The following SLC51A variants were observed in gnomAD, a reference collection of about 807,000 sequenced individuals.
SLC51A encodes the protein solute carrier family 51 member A, also known as organic solute transporter subunit alpha.
A neutral mutation model predicts 34.8 loss-of-function variants in SLC51A; 22 were observed. The ratio of observed to expected loss-of-function variants is 0.63; its 90% CI spans 0.45 to 0.90. The LOEUF is 0.90. Among genes scored for constraint, SLC51A ranks in the 40% least tolerant of loss-of-function variants. SLC51A has a pLI of 0.00. For missense variants in SLC51A, 371 were observed against 414.8 expected, an observed-to-expected ratio of 0.89 and a Z score of 0.92; for synonymous variants, 181 against 176.3, an observed-to-expected ratio of 1.03 and a Z score of -0.21.
rs201430479 is a variant in SLC51A, at chr3:196,227,012, G to C, written c.181G>C (p.Ala61Pro). The C allele has an allele frequency of 1.9e-6, 3 of 1,614,020 alleles. No homozygotes were observed. Among genetic ancestry groups the C allele is most frequent in the Admixed American group, 3.3e-5 (2 of 60,002 alleles). Residue 61 changes from alanine (A) to proline (P), a missense_variant, in exon 3 of 9, where the codon GCG becomes CCG. Physicochemically the swap from Ala to Pro is conservative, Grantham distance 27. Coordinates refer to ENST00000296327, the MANE Select transcript of SLC51A (RefSeq NM_152672.6). The stretch of plus-strand genomic sequence containing the variant: ...CCTCACTAGCATCCTGACCTTGCTG[G>C]CGCTGGGCTCCATTGCCATCTTCCT... Reference protein sequence around the residue: ...LALTSILTLLALGSIAIFLED... With the variant: ...LALTSILTLLPLGSIAIFLED...
In SLC51A at chr3:196,228,335, C is replaced by T. The variant is rs946235421; in HGVS notation, c.521+62C>T. The T allele has an allele frequency of 1.9e-6, 3 of 1,543,300 alleles. No individual in the cohort carries two copies. Among genetic ancestry groups the T allele is most frequent in the East Asian group, 2.3e-5 (1 of 44,190 alleles). ...GGAGCCTCTCCTGGACCCCTGGTCCCCTTCAAGGCTCTGGGAATTAGGCGT... is the reference window on the plus strand; with the variant it reads ...GGAGCCTCTCCTGGACCCCTGGTCCTCTTCAAGGCTCTGGGAATTAGGCGT... On this transcript the variant is annotated intron_variant, in intron 5 of 8. Transcript: ENST00000296327. This position sits in a 1 kb window ranked among gnomAD's most constrained non-coding sequence, Gnocchi z 4.9.
intron 2 of SLC51A, among the ~76,000 whole-genome samples, chr3:196,222,633 C>CA (rs11328698): frequency 0.029 from 3,845 of 133,518 alleles, 140 homozygotes; most frequent in African/African-American, 0.075. Flanking sequence ...GGCTCCATCT[C>CA]AAAAAAAAAA....
At chr3:196,232,652 G>A (rs1560156212) in intron 8 of SLC51A, 128 bp downstream of exon 8, 2 of 705,862 alleles carry the variant, frequency 2.8e-6, no homozygotes. Flanking sequence ...GGGATCTTCG[G>A]GAAATCCCAA....
chr3:196,224,617 A>G (rs1055610836), intron 2 of SLC51A, among the ~76,000 whole-genome samples: 12 of 147,612 alleles, frequency 8.1e-5, no homozygotes, highest in Non-Finnish European at 1.6e-4. Context: ...TGGAGGCTGC[A>G]GTAAGCTAAG....
intron 2 of SLC51A, among the ~76,000 whole-genome samples, chr3:196,221,092 C>T (rs1723744348): frequency 6.6e-6 from 1 of 151,372 alleles, no homozygotes; most frequent in African/African-American, 2.4e-5. Context: ...GGAGTTTCTC[C>T]ATGTTGCCCA....
rs552712156 is a variant in SLC51A, at chr3:196,216,842, C to T, written c.38+92C>T. On this transcript the variant is annotated intron_variant, in intron 1 of 8. Coordinates refer to ENST00000296327, the MANE Select transcript of SLC51A (RefSeq NM_152672.6). The surrounding 1 kb of genome is among the most constrained non-coding windows in gnomAD (Gnocchi z 4.5). Reference sequence around the variant, plus strand: ...CTCTCTCCCTCCCAGAGCCCTTTGGCGGCCGCACTCAGAATGAGACAGGAC... The same window carrying T: ...CTCTCTCCCTCCCAGAGCCCTTTGGTGGCCGCACTCAGAATGAGACAGGAC... 6.9e-6 allele frequency: 9 copies of T among 1,300,024 alleles called. No individual in the cohort carries two copies. In the East Asian group the frequency reaches 1.5e-4, roughly 22 times the overall value. 80.5% of individuals were successfully genotyped at this position (1,300,024 alleles called of 1,614,324 possible). A position where few individuals can be genotyped will look rare whatever the true frequency, so the allele number is the denominator to read the frequency against.
intron 7 of SLC51A, 40 bp downstream of exon 7, chr3:196,230,101 A>G: frequency 6.5e-7 from 1 of 1,545,984 alleles, no homozygotes; most frequent in Non-Finnish European, 8.7e-7. Flanking sequence ...TTCATAACCG[A>G]GCTACAGATA....
chr3:196,216,787 G>C lies in SLC51A; in HGVS notation c.38+37G>C, dbSNP rs1240939427. The C allele has an allele frequency of 6.4e-7, 1 of 1,552,842 alleles. No individual in the cohort carries two copies. The highest frequency in any genetic ancestry group is 2.4e-5 in the East Asian group (1 of 41,508). ...CGGCGGGCCCTGGGCCAGTCGCTGG[G>C]CAGCGGTGGCCCCTATCCCGCGGCC... On this transcript the variant is annotated intron_variant, in intron 1 of 8. Coordinates refer to ENST00000296327, the MANE Select transcript of SLC51A (RefSeq NM_152672.6). This position sits in a 1 kb window ranked among gnomAD's most constrained non-coding sequence, Gnocchi z 4.5.
Position 196,228,244 on chromosome 3 carries a change from C to T in SLC51A, c.492C>T (p.Cys164=). Residue 164 remains cysteine, a synonymous_variant, in exon 5 of 9, where the codon TGC becomes TGT. Coordinates refer to ENST00000296327, the MANE Select transcript of SLC51A (RefSeq NM_152672.6). The surrounding 1 kb of genome is among the most constrained non-coding windows in gnomAD (Gnocchi z 4.9). ...ACACAGGCCCCTGCTGCTGCTGCTG[C>T]CCCTGCTGTCCACGGCTGCTGCTCA... ...MVHTGPCCCC[C]PCCPRLLLTR... is the part of the protein sequence containing the mutation. 1 of 1,613,180 alleles carries T rather than the reference C, an allele frequency of 6.2e-7. No homozygotes were observed. The highest frequency in any genetic ancestry group is 8.5e-7 in the Non-Finnish European group (1 of 1,179,910).
At chr3:196,221,719 G>GT (rs547977757) in intron 2 of SLC51A, among the ~76,000 whole-genome samples, 1,658 of 142,082 alleles carry the variant, frequency 0.012, 34 homozygotes, top group African/African-American at 0.036. Flanking sequence ...TTGGTTTTTT[G>GT]TTTTTTTTTT....
Position 196,228,570 on chromosome 3 carries a change from A to T in SLC51A, c.522-239A>T, listed in dbSNP as rs1462114874. The T allele has an allele frequency of 1.3e-5, 8 of 604,440 alleles. No homozygotes were observed. Among genetic ancestry groups the T allele is most frequent in the Middle Eastern group, 8.7e-4 (2 of 2,294 alleles). 37.4% of individuals were successfully genotyped at this position (604,440 alleles called of 1,614,324 possible). On this transcript the variant is annotated intron_variant, in intron 5 of 8. Transcript: ENST00000296327. This position sits in a 1 kb window ranked among gnomAD's most constrained non-coding sequence, Gnocchi z 4.9. The stretch of plus-strand genomic sequence containing the variant: ...CTGCCCACTTTGGTGAATGAGGTTG[A>T]GGTCACACTCCCAGACCTCGCTCCA...
At chr3:196,223,049 T>G (rs1723800515) in intron 2 of SLC51A, among the ~76,000 whole-genome samples, 1 of 151,764 alleles carries the variant, frequency 6.6e-6, no homozygotes, top group South Asian at 2.1e-4. Flanking sequence ...GGGTTGCCTT[T>G]GATGATCTCT....
chr3:196,229,048 G>A (rs1723967343), intron 6 of SLC51A, 128 bp downstream of exon 6: 2 of 764,804 alleles, frequency 2.6e-6, no homozygotes, highest in Non-Finnish European at 4.4e-6. Context: ...GAAAACAGAG[G>A]CTCAGGGACT....
chr3:196,225,025 CTTTTT>C (rs34324841), intron 2 of SLC51A, among the ~76,000 whole-genome samples: 1 of 140,578 alleles, frequency 7.1e-6, no homozygotes, highest in Admixed American at 7.1e-5. Context: ...AGGTATTTTC[CTTTTT>C]TTTTTTTTTT....
intron 2 of SLC51A, among the ~76,000 whole-genome samples, chr3:196,220,688 G>C (rs947557435): frequency 9.2e-5 from 14 of 152,124 alleles, no homozygotes; most frequent in Non-Finnish European, 2.1e-4. Flanking sequence ...GCAGTGGCAG[G>C]GAAAGAAGAG....
chr3:196,220,466 G>A (rs946468211), intron 2 of SLC51A, among the ~76,000 whole-genome samples: 27 of 152,052 alleles, frequency 1.8e-4, no homozygotes, highest in Non-Finnish European at 3.4e-4. Context: ...GTGTGGTGGC[G>A]CGTGCCTGTA....
Position 196,228,001 on chromosome 3 carries a change from G to A in SLC51A, c.363-114G>A, listed in dbSNP as rs73212135. 1.8e-3 allele frequency: 2,492 copies of A among 1,419,658 alleles called. 9 individuals carry two copies. The highest frequency in any genetic ancestry group is 2.1e-3 in the Non-Finnish European group (2,189 of 1,039,266). 87.9% of individuals were successfully genotyped at this position (1,419,658 alleles called of 1,614,324 possible). A position where few individuals can be genotyped will look rare whatever the true frequency, so the allele number is the denominator to read the frequency against. ...GTCTCCTCTCCCTCGCCCCTCTTGG[G>A]TCACACACCCAGAACGCCCAGCCCT... On this transcript the variant is annotated intron_variant, in intron 4 of 8. Coordinates refer to ENST00000296327, the MANE Select transcript of SLC51A (RefSeq NM_152672.6). The surrounding 1 kb of genome is among the most constrained non-coding windows in gnomAD (Gnocchi z 4.9).
chr3:196,229,378 CTTTTTTT>C (rs35341874), intron 6 of SLC51A, among the ~76,000 whole-genome samples: 51 of 130,908 alleles, frequency 3.9e-4, no homozygotes, highest in African/African-American at 1.4e-3. Context: ...GATACCATCT[CTTTTTTT>C]TTTTTTTTTT....
Position 196,228,413 on chromosome 3 carries a change from C to T in SLC51A, c.521+140C>T, listed in dbSNP as rs1046829004. On this transcript the variant is annotated intron_variant, in intron 5 of 8. Coordinates refer to ENST00000296327, the MANE Select transcript of SLC51A (RefSeq NM_152672.6). This position sits in a 1 kb window ranked among gnomAD's most constrained non-coding sequence, Gnocchi z 4.9. Reference sequence around the variant, plus strand: ...GTGGGCATCCCACGGCCAGGACCCACGGGCGCCACCCTCAGGGGACAGGGG... The same window carrying T: ...GTGGGCATCCCACGGCCAGGACCCATGGGCGCCACCCTCAGGGGACAGGGG... The T allele has an allele frequency of 4.5e-6, 5 of 1,102,678 alleles. No individual in the cohort carries two copies. Among genetic ancestry groups the T allele is most frequent in the Admixed American group, 2.9e-5 (1 of 34,836 alleles). The allele number at this position is 1,102,678 out of a possible 1,614,324, so 68.3% of individuals were successfully genotyped here.
Sources: allele counts gnomAD v4.1 joint callset (sites outside exome capture counted in the v4.1 genomes callset), GRCh38; gene constraint gnomAD v4.1.1; non-coding constraint Gnocchi (gnomAD v3.1); transcripts MANE v1.5; gene names NCBI Gene and HGNC (gene_info 2026-07-23, HGNC 2026-07-21).